Variants in BIN3 observed in about 807,000 individuals in gnomAD.
BIN3 encodes bridging integrator 3.
BIN3 carries 41 observed loss-of-function variants against 38.2 expected under a neutral mutation model. The ratio of observed to expected loss-of-function variants is 1.07; its 90% CI spans 0.84 to 1.39. The LOEUF is 1.39. Among genes scored for constraint, BIN3 ranks in the 40% most tolerant of loss-of-function variants. BIN3 has a pLI of 0.00. For missense variants in BIN3, 361 were observed against 324.3 expected (o/e 1.11, Z -0.87); for synonymous variants, 145 against 122.6 (o/e 1.18, Z -1.21).
chr8:22,622,933 C>T (rs1801875786), intron 8 of BIN3, among the ~76,000 whole-genome samples: 3 of 152,364 alleles, frequency 2.0e-5, no homozygotes, highest in Admixed American at 2.0e-4. Flanking sequence ...GGCATGAACC[C>T]TGCTCAGGTG....
At chr8:22,653,072 C>T (rs1236402775) in intron 1 of BIN3, among the ~76,000 whole-genome samples, 3 of 152,150 alleles carry the variant, frequency 2.0e-5, no homozygotes. Context: ...ACTAAGATGT[C>T]AGGGCACATT....
intron 2 of BIN3, among the ~76,000 whole-genome samples, chr8:22,644,261 C>G (rs1802649308): frequency 6.6e-6 from 1 of 152,252 alleles, no homozygotes; most frequent in Non-Finnish European, 1.5e-5. Context: ...GGGATTCAAT[C>G]TTCCTTTCCT....
chr8:22,660,528 C>A (rs972563319), intron 1 of BIN3, among the ~76,000 whole-genome samples: 1 of 152,166 alleles, frequency 6.6e-6, no homozygotes, highest in Non-Finnish European at 1.5e-5. Flanking sequence ...AAGTTTGGCC[C>A]CTAGAAAGCA....
intron 2 of BIN3, among the ~76,000 whole-genome samples, chr8:22,640,400 G>A (rs1290235956): frequency 6.7e-6 from 1 of 149,938 alleles, no homozygotes; most frequent in Non-Finnish European, 1.5e-5. Context: ...TGTTGCCTGG[G>A]CTGGTCTTGA....
intron 6 of BIN3, chr8:22,625,551 C>G: frequency 1.6e-6 from 1 of 623,572 alleles, no homozygotes; most frequent in Non-Finnish European, 2.9e-6. Flanking sequence ...AGCTACCACA[C>G]AGAGCAGGAC....
rs1417776772 is a variant in BIN3 at position 22,620,880 on chromosome 8, T to A, written c.*542A>T. On this transcript the variant is annotated 3_prime_UTR_variant, in exon 9 of 9. Transcript: ENST00000276416. ...CAGTGACCTCGGGAACCCCAACCAC[T>A]TAGGTCCCAAAGCCACAAGGGTGCC... 1 of 152,576 alleles carries A rather than the reference T, an allele frequency of 6.6e-6. No homozygotes were observed. The highest frequency in any genetic ancestry group is 1.5e-5 in the Non-Finnish European group (1 of 68,286). The allele number at this position is 152,576 out of a possible 1,614,324, so 9.5% of individuals were successfully genotyped here.
chr8:22,628,432 AT>A (rs1563947444), intron 6 of BIN3, among the ~76,000 whole-genome samples: 1 of 152,140 alleles, frequency 6.6e-6, no homozygotes, highest in Admixed American at 6.5e-5. Context: ...GGGAGATCGT[AT>A]GTCAGCTGTG....
At chr8:22,658,381 T>C (rs1274651175) in intron 1 of BIN3, among the ~76,000 whole-genome samples, 1 of 152,230 alleles carries the variant, frequency 6.6e-6, no homozygotes, top group Non-Finnish European at 1.5e-5. Context: ...AATATACTTT[T>C]TCAAACAGTA....
chr8:22,627,236 G>C (rs1399641490), intron 6 of BIN3, among the ~76,000 whole-genome samples: 1 of 152,190 alleles, frequency 6.6e-6, no homozygotes, highest in African/African-American at 2.4e-5. Context: ...AGGGACAAGT[G>C]TCACACCTTT....
At chr8:22,654,514 C>A (rs1036405535) in intron 1 of BIN3, among the ~76,000 whole-genome samples, 5 of 146,588 alleles carry the variant, frequency 3.4e-5, no homozygotes, top group African/African-American at 1.4e-4. Context: ...GCCCTGGCAA[C>A]CATTACTTTG....
At chr8:22,651,889 T>C (rs1046757606) in intron 1 of BIN3, among the ~76,000 whole-genome samples, 1 of 152,216 alleles carries the variant, frequency 6.6e-6, no homozygotes, top group South Asian at 2.1e-4. Flanking sequence ...TCTTGTTTTC[T>C]GTTTCTTACT....
intron 6 of BIN3, chr8:22,624,615 A>T (rs542697681): frequency 4.1e-6 from 2 of 485,428 alleles, no homozygotes; most frequent in African/African-American, 3.9e-5. Context: ...GAACGTGGAC[A>T]ATGTCATGGG....
At chr8:22,645,207 C>T (rs1033327436) in intron 1 of BIN3, among the ~76,000 whole-genome samples, 3 of 151,768 alleles carry the variant, frequency 2.0e-5, no homozygotes, top group Non-Finnish European at 4.4e-5. Flanking sequence ...CAGCTCATAC[C>T]TGCAATCCCA....
rs1346065639 is a variant in BIN3 at position 22,669,062 on chromosome 8, C to G, written c.-11G>C. The stretch of plus-strand genomic sequence containing the variant: ...CACTCACCAGCTCATGGTCCCGAAC[C>G]TGCGTCTGCCGCCGGGGTCCTCAGC... On this transcript the variant is annotated 5_prime_UTR_variant, in exon 1 of 9. Transcript: ENST00000276416. 3.1e-6 allele frequency: 5 copies of G among 1,591,664 alleles called. No individual in the cohort carries two copies. In the Admixed American group the frequency reaches 5.3e-5, roughly 17 times the overall value.
intron 1 of BIN3, among the ~76,000 whole-genome samples, chr8:22,656,689 C>T (rs756913507): frequency 6.6e-6 from 1 of 152,190 alleles, no homozygotes; most frequent in East Asian, 1.9e-4. Flanking sequence ...CAGCCAGGAA[C>T]GTTCCTAACA....
intron 1 of BIN3, 63 bp from the exon 2 acceptor site, chr8:22,644,866 T>TCAGTA: frequency 6.8e-7 from 1 of 1,460,848 alleles, no homozygotes; most frequent in Non-Finnish European, 9.5e-7. Context: ...GCTCAAAGTA[T>TCAGTA]CAGTACAGTA....
At chr8:22,624,638 G>A (rs1801951908) in intron 6 of BIN3, 1 of 392,800 alleles carries the variant, frequency 2.5e-6, no homozygotes, top group South Asian at 4.4e-5. Flanking sequence ...GAGGGCAGAT[G>A]AGAGGAGGTG....
Position 22,636,597 on chromosome 8 carries a change from G to C in BIN3, c.99-11C>G, listed in dbSNP as rs1051836059. On this transcript the variant is annotated splice_polypyrimidine_tract_variant and intron_variant, in intron 3 of 8. Coordinates refer to ENST00000276416, the MANE Select transcript of BIN3 (RefSeq NM_018688.6). ...GTCTGCTCTTCCAGCCTGCAAGGCA[G>C]GGGACGGGCTGCTTGGGGTCCCCTT... is the stretch of plus-strand genomic sequence containing the variant. 12 of 1,551,394 alleles carry C rather than the reference G, an allele frequency of 7.7e-6. No individual in the cohort carries two copies. Among genetic ancestry groups the C allele is most frequent in the Non-Finnish European group, 1.0e-5 (12 of 1,147,158 alleles).
Position 22,624,222 on chromosome 8 carries a change from C to T in BIN3, c.480G>A (p.Gln160=). ...CCTGCCCACCTGTCTCCCCTGGTAC[C>T]TGGTGGAGCTTGGCCAGCACTGGCC... is the stretch of plus-strand genomic sequence containing the variant. ...KTGPVLAKLH[Q]AREELRPVRE... The change falls in exon 7 of 9, where the codon CAG becomes CAA. Residue 160 remains glutamine, a splice_region_variant and synonymous_variant. Transcript: ENST00000276416. The T allele has an allele frequency of 6.2e-7, 1 of 1,613,144 alleles. No homozygotes were observed. The highest frequency in any genetic ancestry group is 8.5e-7 in the Non-Finnish European group (1 of 1,179,470).
Sources: gnomAD v4.1 joint callset for allele counts (sites outside exome capture counted in the v4.1 genomes callset) on GRCh38, gnomAD v4.1.1 for gene constraint, MANE v1.5 for transcripts, NCBI Gene and HGNC (gene_info 2026-07-23, HGNC 2026-07-21) for gene names.